MEIG1: variants seen among roughly 807,000 people sequenced by gnomAD.
The protein encoded by MEIG1 is meiosis expressed gene 1 protein homolog.
In MEIG1, 12 loss-of-function variants were observed where a neutral mutation model predicts 11.3. The observed-to-expected ratio is 1.07, with a 90% CI of 0.68 to 1.73. The LOEUF (loss-of-function observed/expected upper bound fraction) is 1.73. MEIG1 is among the 40% of genes most tolerant of loss of function. The probability of loss-of-function intolerance (pLI) is 0.00; values close to 1 mark genes in which losing one functional copy is unlikely to be tolerated. For missense variants in MEIG1, 119 were observed against 104.9 expected (o/e 1.13, Z -0.59); for synonymous variants, 41 against 33.2 (o/e 1.24, Z -0.81).
intron 2 of MEIG1, among the ~76,000 whole-genome samples, chr10:14,968,452 C>T (rs1256322696): frequency 1.3e-5 from 2 of 152,076 alleles, no homozygotes; most frequent in African/African-American, 2.4e-5. Flanking sequence ...CACACCATTA[C>T]ACTACAGCCT....
chr10:14,977,255 A>G (rs1323086868), downstream of MEIG1, among the ~76,000 whole-genome samples: 3 of 152,004 alleles, frequency 2.0e-5, no homozygotes, highest in East Asian at 1.9e-4. Context: ...GATACTCCCA[A>G]TGTCACAGAT....
rs1843084938 is a variant in MEIG1, at chr10:14,966,442, A to T, written c.-27A>T. On this transcript the variant is annotated splice_region_variant and 5_prime_UTR_variant, in exon 2 of 3. Transcript: ENST00000407572. The stretch of plus-strand genomic sequence containing the variant: ...AATGTTGTTTTAACATCTTTCAGAT[A>T]TTATTGATAATAAGGCCTCTGTAAC... The T allele has an allele frequency of 6.4e-7, 1 of 1,568,876 alleles. No homozygotes were observed. Among genetic ancestry groups the T allele is most frequent in the Non-Finnish European group, 8.6e-7 (1 of 1,160,860 alleles).
In MEIG1 at chr10:14,981,717, T is replaced by G. The variant is rs143996989; in HGVS notation, n.67-5079T>G. ...CCTCCTAGTCCAGGGCCTCCTGTTCTGAGTCATCTTGTTTTCTTTTGAGCT... is the reference window on the plus strand; with the variant it reads ...CCTCCTAGTCCAGGGCCTCCTGTTCGGAGTCATCTTGTTTTCTTTTGAGCT... On this transcript the variant is annotated intron_variant and non_coding_transcript_variant, in intron 1 of 2. Coordinates refer to the MEIG1 transcript ENST00000467536. Among the ~76,000 whole-genome samples, 222 of 152,320 alleles carry G rather than the reference T, an allele frequency of 1.5e-3. 3 individuals are homozygous for G. The East Asian group carries it at 0.031, about 22-fold the overall frequency.
At position 14,972,541 on chromosome 10, in the gene MEIG1, T is replaced by A. The variant is rs754938240; in HGVS notation, c.167T>A (p.Val56Glu). ...GATCGTTGGCCGGAGACAGGATATG[T>A]GAAGAAACTTCAGAGAAGGGACAAT... The part of the protein sequence containing the change: ...MVDRWPETGY[V>E]KKLQRRDNTF... Residue 56 changes from valine (V) to glutamate (E), a missense_variant, in exon 3 of 3, where the codon GTG (valine) becomes GAG (glutamate). Val to Glu is a moderately radical substitution (Grantham distance 121, BLOSUM62 -2). Coordinates refer to ENST00000407572, the MANE Select transcript of MEIG1 (RefSeq NM_001080836.3). 5 of 1,614,126 alleles carry A rather than the reference T, an allele frequency of 3.1e-6. No individual in the cohort carries two copies. Among genetic ancestry groups the A allele is most frequent in the Non-Finnish European group, 4.2e-6 (5 of 1,179,980 alleles).
intron 1 of MEIG1, among the ~76,000 whole-genome samples, chr10:14,966,147 T>C (rs913947633): frequency 1.8e-4 from 26 of 143,828 alleles, no homozygotes; most frequent in Admixed American, 5.1e-4. Flanking sequence ...CACTGCAACC[T>C]CCACCTCCTG....
Position 14,972,534 on chromosome 10 carries a change from G to A in MEIG1, c.160G>A (p.Gly54Arg). The part of the protein sequence containing the change: ...VSMVDRWPET[G>R]YVKKLQRRDN... ...GCAGGTAGATCGTTGGCCGGAGACA[G>A]GATATGTGAAGAAACTTCAGAGAAG... Residue 54 changes from glycine (G) to arginine (R), a missense_variant, in exon 3 of 3, where the codon GGA becomes AGA. Transcript: ENST00000407572. 3 of 1,614,066 alleles carry A rather than the reference G, an allele frequency of 1.9e-6. No homozygotes were observed. The highest frequency in any genetic ancestry group is 2.5e-6 in the Non-Finnish European group (3 of 1,179,974).
intron 1 of MEIG1, among the ~76,000 whole-genome samples, chr10:14,986,050 T>A (rs533889117): frequency 6.6e-6 from 1 of 152,276 alleles, no homozygotes; most frequent in Non-Finnish European, 1.5e-5. Context: ...ACCCCATGTG[T>A]GTATACTCTG....
rs576210819 is a variant in MEIG1, at chr10:14,979,812, T to C, written n.67-6984T>C. On this transcript the variant is annotated intron_variant and non_coding_transcript_variant, in intron 1 of 2. Transcript: ENST00000467536. ...CATGGTGTACACCCTGTGATATTAT[T>C]CACAATATGTGAGGGAGGTATAACT... 2.8e-4 allele frequency among the ~76,000 whole-genome samples: 42 copies of C among 152,198 alleles called. 1 individual carries two copies. In the South Asian group the frequency reaches 7.0e-3, roughly 25 times the overall value.
chr10:14,984,835 T>C (rs958844834), intron 1 of MEIG1, among the ~76,000 whole-genome samples: 2 of 152,052 alleles, frequency 1.3e-5, no homozygotes, highest in African/African-American at 4.8e-5. Context: ...AGTGATGGTA[T>C]GTGCAATATT....
chr10:14,972,958 C>T (rs925236320), downstream of MEIG1: 7 of 205,852 alleles, frequency 3.4e-5, no homozygotes, highest in East Asian at 4.6e-4. Flanking sequence ...CTCTGCCTCC[C>T]GGGTTCAAGT....
At chr10:14,969,367 G>T (rs1843124037) in intron 2 of MEIG1, among the ~76,000 whole-genome samples, 1 of 151,566 alleles carries the variant, frequency 6.6e-6, no homozygotes. Flanking sequence ...AGGATTGCTT[G>T]AGTGCAGGAG....
chr10:14,982,676 G>C (rs11813378), intron 1 of MEIG1, among the ~76,000 whole-genome samples: 1 of 151,926 alleles, frequency 6.6e-6, no homozygotes, highest in Non-Finnish European at 1.5e-5. Flanking sequence ...GTTTTGGGTC[G>C]TAGACGAGCT....
chr10:14,966,827 G>A (rs1025521443), intron 2 of MEIG1, among the ~76,000 whole-genome samples: 2 of 152,068 alleles, frequency 1.3e-5, no homozygotes, highest in African/African-American at 4.8e-5. Flanking sequence ...TCCACCTCCC[G>A]GATTCAAGGG....
chr10:14,964,564 AGTGT>A (rs151283080), intron 1 of MEIG1, among the ~76,000 whole-genome samples: 3 of 104,454 alleles, frequency 2.9e-5, no homozygotes, highest in South Asian at 3.4e-4. Context: ...TGTATATAAG[AGTGT>A]GTGTGTGTGT....
At chr10:14,969,437 G>A (rs1176452790) in intron 2 of MEIG1, among the ~76,000 whole-genome samples, 5 of 145,572 alleles carry the variant, frequency 3.4e-5, no homozygotes, top group Admixed American at 2.8e-4. Flanking sequence ...GAGAGAGCAA[G>A]ACCCTGTCTC....
intron 1 of MEIG1, among the ~76,000 whole-genome samples, chr10:14,965,296 ATT>A (rs1340850435): frequency 2.0e-5 from 3 of 152,208 alleles, no homozygotes; most frequent in African/African-American, 7.2e-5. Context: ...TGACTGATAT[ATT>A]TTGTTAATAA....
chr10:14,982,614 A>G (rs1180562494), intron 1 of MEIG1, among the ~76,000 whole-genome samples: 2 of 152,120 alleles, frequency 1.3e-5, no homozygotes, highest in Non-Finnish European at 2.9e-5. Context: ...CCACGTGACC[A>G]TCCTCCTCTA....
intron 1 of MEIG1, among the ~76,000 whole-genome samples, chr10:14,964,069 G>A (rs952724642): frequency 1.7e-4 from 25 of 145,264 alleles, no homozygotes; most frequent in Non-Finnish European, 2.8e-4. Flanking sequence ...CTGCACTCCA[G>A]CCTGGTGACA....
At chr10:14,965,675 T>TGAGAGG (rs1554805936) in intron 1 of MEIG1, among the ~76,000 whole-genome samples, 4 of 101,156 alleles carry the variant, frequency 4.0e-5, no homozygotes, top group African/African-American at 1.6e-4. Context: ...ATTCCCTTTT[T>TGAGAGG]GAGAGAGAGA....
Sources: allele counts gnomAD v4.1 joint callset (sites outside exome capture counted in the v4.1 genomes callset), GRCh38; gene constraint gnomAD v4.1.1; transcripts MANE v1.5; gene names NCBI Gene and HGNC (gene_info 2026-07-23, HGNC 2026-07-21).